Variants in RCC1L observed in about 807,000 individuals in gnomAD.
RCC1L encodes RCC1-like G exchanging factor-like protein.
In RCC1L, 46 loss-of-function variants were observed where a neutral mutation model predicts 58.6. The observed-to-expected ratio is 0.79, with a 90% CI of 0.62 to 1.00. The LOEUF (loss-of-function observed/expected upper bound fraction) is 1.00. RCC1L is among the 50% of genes least tolerant of loss of function. The pLI is 0.00. For synonymous variants in RCC1L, 281 were observed against 262.9 expected, an observed-to-expected ratio of 1.07 and a Z score of -0.67; for missense variants, 636 against 623.6, an observed-to-expected ratio of 1.02 and a Z score of -0.21.
chr7:75,027,369 A>C (rs1182944808), exon 11 of RCC1L: 1 of 152,682 alleles, frequency 6.5e-6, no homozygotes, highest in African/African-American at 2.4e-5. Context: ...AGTATTTGGA[A>C]TTTCTTGCTT....
chr7:75,048,125 G>C (rs1282894898), intron 10 of RCC1L, among the ~76,000 whole-genome samples: 1 of 151,482 alleles, frequency 6.6e-6, no homozygotes. Flanking sequence ...AAATTAGCCA[G>C]GCATGGTGGC....
At position 75,042,972 on chromosome 7, in the gene RCC1L, C is replaced by T. The variant is rs1805610547; in HGVS notation, c.*60G>A. The T allele has an allele frequency of 6.2e-6, 10 of 1,613,316 alleles. No individual in the cohort carries two copies. Among genetic ancestry groups the T allele is most frequent in the Admixed American group, 1.7e-5 (1 of 59,892 alleles). ...CCCCGGGGGGCTGGCCACGCGCTGGCCTCTGCCAAGGAGTGCCAGTGGTTC... is the reference window on the plus strand; with the variant it reads ...CCCCGGGGGGCTGGCCACGCGCTGGTCTCTGCCAAGGAGTGCCAGTGGTTC... On this transcript the variant is annotated 3_prime_UTR_variant, in exon 11 of 11. Coordinates refer to ENST00000610322, the MANE Select transcript of RCC1L (RefSeq NM_030798.5).
chr7:75,040,723 A>C (rs1805535657), downstream of RCC1L, among the ~76,000 whole-genome samples: 1 of 152,134 alleles, frequency 6.6e-6, no homozygotes, highest in African/African-American at 2.4e-5. Flanking sequence ...ACCCAGCCCC[A>C]GTAACGGTTT....
At chr7:75,058,409 T>C (rs1218194893) in intron 7 of RCC1L, among the ~76,000 whole-genome samples, 179 bp downstream of exon 7, 1 of 151,680 alleles carries the variant, frequency 6.6e-6, no homozygotes, top group African/African-American at 2.4e-5. Flanking sequence ...TTGTATTTTT[T>C]TGGTAGAGAT....
At chr7:75,057,252 T>C (rs2131993975) in intron 8 of RCC1L, among the ~76,000 whole-genome samples, 1 of 152,214 alleles carries the variant, frequency 6.6e-6, no homozygotes, top group South Asian at 2.1e-4. Context: ...AGATTACAGG[T>C]GTGAGCCACC....
chr7:75,041,530 A>G (rs1225913998), downstream of RCC1L, among the ~76,000 whole-genome samples: 1 of 151,952 alleles, frequency 6.6e-6, no homozygotes, highest in Non-Finnish European at 1.5e-5. Flanking sequence ...TTTTCTCCCA[A>G]CTGAACTGCG....
chr7:75,049,186 T>C (rs1341408247), intron 10 of RCC1L, among the ~76,000 whole-genome samples: 3 of 152,140 alleles, frequency 2.0e-5, no homozygotes, highest in African/African-American at 4.8e-5. Flanking sequence ...CTACGGAAGA[T>C]TAATTTGAAC....
At chr7:75,040,063 CAGCCA>C (rs1385702932), downstream of RCC1L, among the ~76,000 whole-genome samples, 1 of 152,158 alleles carries the variant, frequency 6.6e-6, no homozygotes, top group Non-Finnish European at 1.5e-5. Context: ...ACAGAAGGCA[CAGCCA>C]AGCAGCCCTC....
chr7:75,029,111 C>T (rs1438090142), intron 10 of RCC1L, among the ~76,000 whole-genome samples: 3 of 152,196 alleles, frequency 2.0e-5, no homozygotes, highest in African/African-American at 7.2e-5. Context: ...ACTGGGAAGA[C>T]AGGAAGGGCC....
At chr7:75,051,148 C>T (rs898804629) in intron 10 of RCC1L, among the ~76,000 whole-genome samples, 10 of 148,788 alleles carry the variant, frequency 6.7e-5, no homozygotes, top group Admixed American at 5.4e-4. Flanking sequence ...AACTTGCTTT[C>T]TCAGAGCCTC....
intron 10 of RCC1L, among the ~76,000 whole-genome samples, chr7:75,045,828 T>A (rs930194440): frequency 6.0e-4 from 92 of 152,346 alleles, no homozygotes; most frequent in African/African-American, 2.2e-3. Context: ...CTTCCTTTCT[T>A]AAGTGCCAAC....
chr7:75,047,656 A>G (rs1805768709), intron 10 of RCC1L, among the ~76,000 whole-genome samples: 3 of 151,064 alleles, frequency 2.0e-5, no homozygotes, highest in South Asian at 4.2e-4. Context: ...TTATATATAT[A>G]TATTTTTTGG....
At chr7:75,041,824 G>A (rs1328014023), downstream of RCC1L, among the ~76,000 whole-genome samples, 4 of 146,076 alleles carry the variant, frequency 2.7e-5, no homozygotes, top group African/African-American at 5.1e-5. Flanking sequence ...AGATCATGTT[G>A]CTGCACTCCA....
At chr7:75,053,895 T>TTG (rs1212161088) in intron 9 of RCC1L, among the ~76,000 whole-genome samples, 10 of 152,122 alleles carry the variant, frequency 6.6e-5, no homozygotes, top group Admixed American at 2.0e-4. Context: ...TAGATAGTTT[T>TTG]TGTGTGTGTG....
chr7:75,041,464 A>G (rs1554442262), downstream of RCC1L, among the ~76,000 whole-genome samples: 1 of 152,152 alleles, frequency 6.6e-6, no homozygotes, highest in East Asian at 1.9e-4. Context: ...CATTAAAGGA[A>G]CGAGGTAAAG....
chr7:75,066,515 A>AACAAT lies in RCC1L; in HGVS notation c.583+148_583+149insATTGT, dbSNP rs1554445140. The AACAAT allele has an allele frequency of 1.8e-5, 17 of 967,448 alleles. No homozygotes were observed. The East Asian group carries it at 4.2e-4, about 24-fold the overall frequency. The allele number at this position is 967,448 out of a possible 1,614,324, so 59.9% of individuals were successfully genotyped here. On this transcript the variant is annotated intron_variant, in intron 3 of 10. Coordinates refer to ENST00000610322, the MANE Select transcript of RCC1L (RefSeq NM_030798.5). ...CAACAAGGTTTGTCCAGCTGTCTTGAGCAATCCCACTGATCTGCTCAGGAA... is the reference window on the plus strand; with the variant it reads ...CAACAAGGTTTGTCCAGCTGTCTTGAACAATGCAATCCCACTGATCTGCTCAGGAA...
intron 10 of RCC1L, among the ~76,000 whole-genome samples, chr7:75,035,709 A>T (rs1398164955): frequency 4.1e-5 from 6 of 145,888 alleles, no homozygotes; most frequent in South Asian, 4.3e-4. Flanking sequence ...ATTATATATT[A>T]AAAAAAAAAA....
At chr7:75,055,873 A>G in intron 9 of RCC1L, 28 bp downstream of exon 9, 1 of 1,613,932 alleles carries the variant, frequency 6.2e-7, no homozygotes, top group Middle Eastern at 1.7e-4. Context: ...CTGGGCTCAC[A>G]CCAGGGCCAC....
In RCC1L at chr7:75,042,956, G is replaced by A; in HGVS notation, c.*76C>T. ...CACCACCATCCAAGAACCCCGGGGG[G>A]CTGGCCACGCGCTGGCCTCTGCCAA... On this transcript the variant is annotated 3_prime_UTR_variant, in exon 11 of 11. Transcript: ENST00000610322. 6.2e-7 allele frequency: 1 copy of A among 1,609,362 alleles called. No individual in the cohort carries two copies. The highest frequency in any genetic ancestry group is 8.5e-7 in the Non-Finnish European group (1 of 1,177,562).
Sources: gnomAD v4.1 joint callset for allele counts (sites outside exome capture counted in the v4.1 genomes callset) on GRCh38, gnomAD v4.1.1 for gene constraint, MANE v1.5 for transcripts, NCBI Gene and HGNC (gene_info 2026-07-23, HGNC 2026-07-21) for gene names.